VPS4A: variants seen among roughly 807,000 people sequenced by gnomAD.
VPS4A encodes the protein vacuolar protein sorting-associated protein 4A.
Under a neutral mutation model 52.3 loss-of-function variants are expected in VPS4A, and 20 were observed. The ratio of observed to expected loss-of-function variants is 0.38; its 90% CI spans 0.27 to 0.56. The LOEUF (loss-of-function observed/expected upper bound fraction) is 0.56. Among genes scored for constraint, VPS4A ranks in the 20% least tolerant of loss-of-function variants. The probability of loss-of-function intolerance (pLI) is 0.72; values close to 1 mark genes in which losing one functional copy is unlikely to be tolerated. For synonymous variants in VPS4A, 293 were observed against 227.7 expected, an observed-to-expected ratio of 1.29 and a Z score of -2.58; for missense variants, 419 against 575.9, an observed-to-expected ratio of 0.73 and a Z score of 2.79.
At position 69,324,670 on chromosome 16, in the gene VPS4A, G is replaced by T. The variant is rs571119971; in HGVS notation, c.*361G>T. 9.1e-6 allele frequency: 2 copies of T among 219,230 alleles called. 1 individual carries two copies. The highest frequency in any genetic ancestry group is 9.6e-5 in the Admixed American group (2 of 20,884). 13.6% of individuals were successfully genotyped at this position (219,230 alleles called of 1,614,324 possible). ...ACCTGGAAGTGTCAAGGAGTGGGGC[G>T]GGGTGGCGGGGGAGAAGCAGCCGTG... On this transcript the variant is annotated 3_prime_UTR_variant, in exon 11 of 11. Coordinates refer to ENST00000254950, the MANE Select transcript of VPS4A (RefSeq NM_013245.3).
At chr16:69,323,721 G>T (rs779329659) in intron 10 of VPS4A, 6 of 452,148 alleles carry the variant, frequency 1.3e-5, no homozygotes, top group South Asian at 7.8e-5. Flanking sequence ...AGGCCGAGGC[G>T]GGCAGATCGC....
chr16:69,314,951 C>T (rs183276932), intron 1 of VPS4A, among the ~76,000 whole-genome samples: 1 of 152,076 alleles, frequency 6.6e-6, no homozygotes, highest in Non-Finnish European at 1.5e-5. Context: ...AGGTGCTTTA[C>T]TGACCGGTCG....
chr16:69,322,899 C>T (rs1170789114), intron 10 of VPS4A, 199 bp downstream of exon 10: 7 of 467,204 alleles, frequency 1.5e-5, no homozygotes, highest in African/African-American at 1.4e-4. Context: ...GAAACCCTGT[C>T]TCTACTAAAA....
intron 5 of VPS4A, among the ~76,000 whole-genome samples, chr16:69,319,179 A>G (rs1354895087): frequency 6.7e-6 from 1 of 150,156 alleles, no homozygotes; most frequent in East Asian, 1.9e-4. Context: ...GTGCAAGGTC[A>G]TGGGGTCATA....
chr16:69,316,174 A>AG lies in VPS4A; in HGVS notation c.134-46dup, dbSNP rs1405995339. 1.9e-6 allele frequency: 3 copies of AG among 1,612,180 alleles called. No homozygotes were observed. In the South Asian group the frequency reaches 3.3e-5, roughly 18 times the overall value. On this transcript the variant is annotated intron_variant, in intron 2 of 10. Coordinates refer to ENST00000254950, the MANE Select transcript of VPS4A (RefSeq NM_013245.3). ...CGCACTCCAGAGGGGAGCGGAGGAG[A>AG]GGGGGTGGCGCACGAGCCTCACAGG...
intron 5 of VPS4A, 104 bp downstream of exon 5, chr16:69,319,046 C>T: frequency 6.7e-7 from 1 of 1,503,314 alleles, no homozygotes; most frequent in Non-Finnish European, 8.9e-7. Flanking sequence ...CCCCCGGGGC[C>T]TGCAGAGGGC....
chr16:69,319,140 A>C (rs1397056082), intron 5 of VPS4A, among the ~76,000 whole-genome samples, 198 bp downstream of exon 5: 1 of 151,250 alleles, frequency 6.6e-6, no homozygotes, highest in Non-Finnish European at 1.5e-5. Context: ...TGGGGGCAGG[A>C]TCAGGAAGCA....
At chr16:69,318,142 A>C (rs1391610103) in intron 3 of VPS4A, among the ~76,000 whole-genome samples, 1 of 151,798 alleles carries the variant, frequency 6.6e-6, no homozygotes, top group East Asian at 1.9e-4. Context: ...TGCTTGGCTA[A>C]TTTTGTGTTT....
Position 69,321,384 on chromosome 16 carries a change from G to A in VPS4A, c.1071+114G>A. ...CGGCTGCTCAGGTGACACAGTCTCT[G>A]AGGCCTCCTGGAGAGCCGAGGGCCA... On this transcript the variant is annotated intron_variant, in intron 9 of 10. Coordinates refer to ENST00000254950, the MANE Select transcript of VPS4A (RefSeq NM_013245.3). This position sits in a 1 kb window ranked among gnomAD's most constrained non-coding sequence, Gnocchi z 4.5. The A allele has an allele frequency of 8.3e-7, 1 of 1,207,936 alleles. No individual in the cohort carries two copies. The highest frequency in any genetic ancestry group is 1.2e-6 in the Non-Finnish European group (1 of 867,262). The allele number at this position is 1,207,936 out of a possible 1,614,324, so 74.8% of individuals were successfully genotyped here.
chr16:69,314,692 T>C (rs1441454933), intron 1 of VPS4A, among the ~76,000 whole-genome samples: 1 of 152,152 alleles, frequency 6.6e-6, no homozygotes, highest in Admixed American at 6.5e-5. Flanking sequence ...CCTGTCTGTT[T>C]TGTCGAGCTG....
chr16:69,316,716 G>C (rs1965441600), intron 3 of VPS4A, among the ~76,000 whole-genome samples: 1 of 152,218 alleles, frequency 6.6e-6, no homozygotes, highest in South Asian at 2.1e-4. Flanking sequence ...TCACCTCCGA[G>C]CGTTGCCACA....
At chr16:69,311,787 C>T (rs1965380944) in intron 1 of VPS4A, among the ~76,000 whole-genome samples, 1 of 152,256 alleles carries the variant, frequency 6.6e-6, no homozygotes, top group African/African-American at 2.4e-5. Flanking sequence ...GCCGGCGCCC[C>T]GGTACCGCCG....
rs946318037 is a variant in VPS4A, at chr16:69,324,678, G to A, written c.*369G>A. ...GTGTCAAGGAGTGGGGCGGGGTGGCGGGGGAGAAGCAGCCGTGCTGCCAGG... is the reference window on the plus strand; with the variant it reads ...GTGTCAAGGAGTGGGGCGGGGTGGCAGGGGAGAAGCAGCCGTGCTGCCAGG... On this transcript the variant is annotated 3_prime_UTR_variant, in exon 11 of 11. Coordinates refer to ENST00000254950, the MANE Select transcript of VPS4A (RefSeq NM_013245.3). 3.7e-5 allele frequency: 8 copies of A among 214,388 alleles called. No individual in the cohort carries two copies. The highest frequency in any genetic ancestry group is 1.8e-4 in the African/African-American group (8 of 44,398). The allele number at this position is 214,388 out of a possible 1,614,324, so 13.3% of individuals were successfully genotyped here. A position where few individuals can be genotyped will look rare whatever the true frequency, so the allele number is the denominator to read the frequency against.
chr16:69,316,195 AC>A (rs1464732289), intron 2 of VPS4A, 29 bp from the exon 3 acceptor site: 2 of 1,612,960 alleles, frequency 1.2e-6, no homozygotes, highest in South Asian at 2.2e-5. Flanking sequence ...CACGAGCCTC[AC>A]AGGGGCCCCT....
Position 69,321,108 on chromosome 16 carries a change from C to G in VPS4A, c.909C>G (p.Phe303Leu). Reference sequence around the variant, plus strand: ...AGGAAGCTGCCCGCGCCCAGATGTTCCGGTTGCATCTCGGGAGCACTCCCC... The same window carrying G: ...AGGAAGCTGCCCGCGCCCAGATGTTGCGGTTGCATCTCGGGAGCACTCCCC... Reference protein sequence around the residue: ...LPEEAARAQMFRLHLGSTPHN... With the variant: ...LPEEAARAQMLRLHLGSTPHN... The change falls in exon 9 of 11, where the codon TTC becomes TTG. Residue 303 changes from phenylalanine to leucine, a missense_variant. This residue lies in a region of VPS4A where 185 missense variants were observed against 200.2 expected (regional missense o/e 0.92). Transcript: ENST00000254950. This position sits in a 1 kb window ranked among gnomAD's most constrained non-coding sequence, Gnocchi z 4.5. 5 of 1,596,688 alleles carry G rather than the reference C, an allele frequency of 3.1e-6. No homozygotes were observed. The highest frequency in any genetic ancestry group is 2.3e-5 in the East Asian group (1 of 43,880).
chr16:69,319,035 G>A (rs1597213076), intron 5 of VPS4A, 93 bp downstream of exon 5: 2 of 1,534,070 alleles, frequency 1.3e-6, no homozygotes, highest in East Asian at 4.5e-5. Flanking sequence ...TGGCGACTCA[G>A]CCCCCGGGGC....
At chr16:69,314,783 G>A (rs767889928) in intron 1 of VPS4A, among the ~76,000 whole-genome samples, 9 of 152,106 alleles carry the variant, frequency 5.9e-5, no homozygotes, top group Non-Finnish European at 1.2e-4. Context: ...CCAAGAGCCG[G>A]TCAGGAGGTT....
At chr16:69,323,582 C>T (rs1472710471) in intron 10 of VPS4A, 2 of 454,074 alleles carry the variant, frequency 4.4e-6, no homozygotes, top group South Asian at 1.6e-5. Context: ...AAGGCAGCGC[C>T]TCACCTGCAT....
At chr16:69,319,256 CTT>C in intron 5 of VPS4A, 129 bp from the exon 6 acceptor site, 1 of 1,341,738 alleles carries the variant, frequency 7.5e-7, no homozygotes, top group Admixed American at 2.2e-5. Context: ...GCTCCCATCA[CTT>C]GTTTGCCAGT....
Sources: allele counts gnomAD v4.1 joint callset (sites outside exome capture counted in the v4.1 genomes callset), GRCh38; gene constraint gnomAD v4.1.1; regional missense constraint gnomAD v4.1.1; non-coding constraint Gnocchi (gnomAD v3.1); transcripts MANE v1.5; gene names NCBI Gene and HGNC (gene_info 2026-07-23, HGNC 2026-07-21).